The following PITPNM2 variants were observed in gnomAD, a reference collection of about 807,000 sequenced individuals.
PITPNM2 encodes membrane-associated phosphatidylinositol transfer protein 2.
PITPNM2 carries 35 observed loss-of-function variants against 132.2 expected under a neutral mutation model. The observed-to-expected ratio is 0.26, with a 90% CI of 0.20 to 0.35. PITPNM2 has a LOEUF of 0.35. Ranked by LOEUF, PITPNM2 falls within the 10% of genes least tolerant of loss-of-function variation. The probability of loss-of-function intolerance (pLI) is 1.00; values close to 1 mark genes in which losing one functional copy is unlikely to be tolerated. For missense variants in PITPNM2, 1,332 were observed against 1,912.0 expected, an observed-to-expected ratio of 0.70 and a Z score of 5.66; for synonymous variants, 738 against 799.2, an observed-to-expected ratio of 0.92 and a Z score of 1.29.
rs1284199350 is a variant in PITPNM2 at position 123,077,392 on chromosome 12, C to A, written c.-96+32993G>T. Reference sequence around the variant, plus strand: ...AGAGAGACAGCCAACGTGTGGCCAACAATCACCACTCCAGAGCCCTGCCCC... The same window carrying A: ...AGAGAGACAGCCAACGTGTGGCCAAAAATCACCACTCCAGAGCCCTGCCCC... On this transcript the variant is annotated intron_variant, in intron 2 of 25. Coordinates refer to ENST00000320201, the MANE Select transcript of PITPNM2 (RefSeq NM_020845.3). The surrounding 1 kb of genome is among the most constrained non-coding windows in gnomAD (Gnocchi z 4.8). 6.6e-6 allele frequency among the ~76,000 whole-genome samples: 1 copy of A among 152,228 alleles called. No homozygotes were observed. The highest frequency in any genetic ancestry group is 1.9e-4 in the East Asian group (1 of 5,202).
chr12:123,087,876 C>A (rs989637029), intron 2 of PITPNM2: 2 of 152,246 alleles, frequency 1.3e-5, no homozygotes, highest in African/African-American at 4.8e-5. Context: ...GCCTTGGCCT[C>A]CCACAGTGCC....
chr12:123,119,103 C>T (rs542751426), intron 1 of PITPNM2, among the ~76,000 whole-genome samples: 15 of 152,264 alleles, frequency 9.9e-5, no homozygotes, highest in Admixed American at 4.6e-4. Flanking sequence ...ATTCCCTTTA[C>T]CAAGGGCCTC....
intron 10 of PITPNM2, among the ~76,000 whole-genome samples, chr12:122,999,421 G>A (rs1271663997): frequency 6.6e-6 from 1 of 152,218 alleles, no homozygotes; most frequent in East Asian, 1.9e-4. Context: ...GCCCTGTTGG[G>A]CTTTGACAAG....
intron 1 of PITPNM2, among the ~76,000 whole-genome samples, chr12:123,115,957 C>T (rs2042929647): frequency 6.6e-6 from 1 of 152,214 alleles, no homozygotes; most frequent in Non-Finnish European, 1.5e-5. Context: ...CTGGATATTC[C>T]AGAGGCATCC....
chr12:123,093,547 G>A (rs1593008897), intron 2 of PITPNM2, among the ~76,000 whole-genome samples: 1 of 152,070 alleles, frequency 6.6e-6, no homozygotes, highest in East Asian at 1.9e-4. Context: ...CGCTGCAGTG[G>A]AGCCACCCCC....
intron 2 of PITPNM2, among the ~76,000 whole-genome samples, chr12:123,035,628 T>G (rs958280263): frequency 2.0e-5 from 3 of 151,064 alleles, no homozygotes; most frequent in Non-Finnish European, 4.4e-5. Context: ...ATCGCGCCAT[T>G]GCACTCCAGC....
chr12:123,058,603 G>A lies in PITPNM2; in HGVS notation c.-95-23918C>T, dbSNP rs903981441. Among the ~76,000 whole-genome samples, 9 of 152,040 alleles carry A rather than the reference G, an allele frequency of 5.9e-5. No homozygotes were observed. Among genetic ancestry groups the A allele is most frequent in the Non-Finnish European group, 1.2e-4 (8 of 68,022 alleles). On this transcript the variant is annotated intron_variant, in intron 2 of 25. Coordinates refer to ENST00000320201, the MANE Select transcript of PITPNM2 (RefSeq NM_020845.3). This position sits in a 1 kb window ranked among gnomAD's most constrained non-coding sequence, Gnocchi z 4.0. ...GTCATTCTTGTTGTTCCCTGTTTGC[G>A]GTCCTCAGCTCCAAAGCCCTCAAGA... is the stretch of plus-strand genomic sequence containing the variant.
chr12:123,031,985 A>G lies in PITPNM2; in HGVS notation c.78+2528T>C, dbSNP rs2040107926. ...CTCACGAAGGGCCCTGAGAGTGCTG[A>G]TGCTCACGATCTGCAAGGCGGGAGA... On this transcript the variant is annotated intron_variant, in intron 3 of 25. Coordinates refer to ENST00000320201, the MANE Select transcript of PITPNM2 (RefSeq NM_020845.3). This position sits in a 1 kb window ranked among gnomAD's most constrained non-coding sequence, Gnocchi z 4.5. 6.6e-6 allele frequency among the ~76,000 whole-genome samples: 1 copy of G among 152,154 alleles called. No homozygotes were observed. Among genetic ancestry groups the G allele is most frequent in the Non-Finnish European group, 1.5e-5 (1 of 68,016 alleles).
chr12:122,991,367 G>A (rs894047047), intron 16 of PITPNM2, among the ~76,000 whole-genome samples: 1 of 152,196 alleles, frequency 6.6e-6, no homozygotes, highest in South Asian at 2.1e-4. Flanking sequence ...CTCAGAAAGC[G>A]AAGGAGTGGG....
At chr12:122,989,623 A>G (rs2038097448) in intron 18 of PITPNM2, among the ~76,000 whole-genome samples, 164 bp downstream of exon 18, 1 of 151,880 alleles carries the variant, frequency 6.6e-6, no homozygotes, top group African/African-American at 2.4e-5. Context: ...CCCACCAGAC[A>G]ATGCCACCAG....
intron 2 of PITPNM2, among the ~76,000 whole-genome samples, chr12:123,068,180 G>GGGCACGGCCA (rs1054029022): frequency 6.2e-5 from 5 of 80,790 alleles, no homozygotes; most frequent in South Asian, 3.9e-4. Context: ...AAAAATCCAC[G>GGGCACGGCCA]GGCACGGCCG....
intron 1 of PITPNM2, among the ~76,000 whole-genome samples, chr12:123,115,768 T>C (rs2042926662): frequency 6.6e-6 from 1 of 152,204 alleles, no homozygotes; most frequent in Non-Finnish European, 1.5e-5. Flanking sequence ...AGCTGGCTTT[T>C]AGAAACTTTT....
chr12:123,113,302 C>A (rs1418367752), intron 1 of PITPNM2, among the ~76,000 whole-genome samples: 1 of 152,218 alleles, frequency 6.6e-6, no homozygotes, highest in Non-Finnish European at 1.5e-5. Context: ...GGAACCACGG[C>A]AAACTGTCCA....
intron 2 of PITPNM2, among the ~76,000 whole-genome samples, chr12:123,051,805 T>G (rs1194843621): frequency 6.6e-6 from 1 of 152,206 alleles, no homozygotes; most frequent in Non-Finnish European, 1.5e-5. Flanking sequence ...CTCCAGCAAA[T>G]GCCTGAGTTA....
intron 2 of PITPNM2, among the ~76,000 whole-genome samples, chr12:123,073,449 A>C (rs1175426525): frequency 6.6e-6 from 1 of 152,088 alleles, no homozygotes; most frequent in Non-Finnish European, 1.5e-5. Context: ...CCGCCTACAC[A>C]GGTGGTTCAT....
At position 122,992,791 on chromosome 12, in the gene PITPNM2, T is replaced by A; in HGVS notation, c.2234-122A>T. The stretch of plus-strand genomic sequence containing the variant: ...AAAGTTAGGGATAAGATGGGGGGTG[T>A]GTCTCTATCAATTTGGGACCTGTTT... On this transcript the variant is annotated intron_variant, in intron 15 of 25. Transcript: ENST00000320201. This position sits in a 1 kb window ranked among gnomAD's most constrained non-coding sequence, Gnocchi z 6.5. The A allele has an allele frequency of 1.4e-6, 1 of 693,512 alleles. No individual in the cohort carries two copies. Among genetic ancestry groups the A allele is most frequent in the African/African-American group, 1.8e-5 (1 of 54,384 alleles). The allele number at this position is 693,512 out of a possible 1,614,324, so 43.0% of individuals were successfully genotyped here. A position where few individuals can be genotyped will look rare whatever the true frequency, so the allele number is the denominator to read the frequency against.
In PITPNM2 at chr12:123,000,746, T is replaced by C. The variant is rs917474977; in HGVS notation, c.1224+32A>G. 2 of 1,611,322 alleles carry C rather than the reference T, an allele frequency of 1.2e-6. No individual in the cohort carries two copies. Among genetic ancestry groups the C allele is most frequent in the Non-Finnish European group, 1.7e-6 (2 of 1,178,314 alleles). The stretch of plus-strand genomic sequence containing the variant: ...CACCCTGCCCCTCCCTTGGCGGCCA[T>C]GCCCCTGTCCCTCTGACACCCGGGC... On this transcript the variant is annotated intron_variant, in intron 10 of 25. Transcript: ENST00000320201. This position sits in a 1 kb window ranked among gnomAD's most constrained non-coding sequence, Gnocchi z 5.4.
chr12:123,089,890 TG>T (rs1368145419), intron 2 of PITPNM2: 1 of 152,172 alleles, frequency 6.6e-6, no homozygotes, highest in East Asian at 1.9e-4. Context: ...AGCCAACAAA[TG>T]GACATCTTTT....
Position 122,996,735 on chromosome 12 carries a change from T to A in PITPNM2, c.1648A>T (p.Thr550Ser). The A allele has an allele frequency of 6.2e-7, 1 of 1,611,524 alleles. No individual in the cohort carries two copies. The highest frequency in any genetic ancestry group is 8.5e-7 in the Non-Finnish European group (1 of 1,179,306). ...GDFIKSQEGM[T>S]FNGQVCLIGD... The stretch of plus-strand genomic sequence containing the variant: ...CCGGGACTCACCTGCCCATTGAAGG[T>A]CATGCCCTCCTGGGACTTGATGAAG... The change falls in exon 12 of 26, where the codon ACC becomes TCC. Residue 550 changes from threonine (T) to serine (S), a missense_variant. Physicochemically the swap from Thr to Ser is moderately conservative, Grantham distance 58. Coordinates refer to ENST00000320201, the MANE Select transcript of PITPNM2 (RefSeq NM_020845.3).
Sources: allele counts gnomAD v4.1 joint callset (sites outside exome capture counted in the v4.1 genomes callset), GRCh38; gene constraint gnomAD v4.1.1; non-coding constraint Gnocchi (gnomAD v3.1); transcripts MANE v1.5; gene names NCBI Gene and HGNC (gene_info 2026-07-23, HGNC 2026-07-21).